The following AUH variants were observed in gnomAD, a reference collection of about 807,000 sequenced individuals.
AUH encodes methylglutaconyl-CoA hydratase, mitochondrial.
Under a neutral mutation model 42.3 loss-of-function variants are expected in AUH, and 29 were observed. That is an observed-to-expected ratio of 0.69 (90% CI 0.51 to 0.93). AUH has a LOEUF of 0.93. Ranked by LOEUF, AUH falls within the 40% of genes least tolerant of loss-of-function variation. The probability of loss-of-function intolerance (pLI) is 0.00; values close to 1 mark genes in which losing one functional copy is unlikely to be tolerated. For missense variants in AUH, 452 were observed against 438.1 expected (o/e 1.03, Z -0.28); for synonymous variants, 174 against 166.4 (o/e 1.05, Z -0.35).
At chr9:91,223,871 T>C (rs2131235659) in intron 6 of AUH, among the ~76,000 whole-genome samples, 1 of 152,294 alleles carries the variant, frequency 6.6e-6, no homozygotes. Context: ...TGCATCTGTT[T>C]TGAGTTTCTT....
At chr9:91,300,349 C>T (rs1827687347) in intron 4 of AUH, among the ~76,000 whole-genome samples, 1 of 152,160 alleles carries the variant, frequency 6.6e-6, no homozygotes, top group Non-Finnish European at 1.5e-5. Flanking sequence ...CTTCATGTGT[C>T]CAAACCATTT....
chr9:91,248,906 T>C (rs1353320603), intron 6 of AUH, among the ~76,000 whole-genome samples: 1 of 152,198 alleles, frequency 6.6e-6, no homozygotes, highest in Non-Finnish European at 1.5e-5. Flanking sequence ...AATGGCATTT[T>C]TGGCTCACGG....
At chr9:91,250,475 G>A (rs1199743138) in intron 6 of AUH, among the ~76,000 whole-genome samples, 1 of 152,174 alleles carries the variant, frequency 6.6e-6, no homozygotes, top group African/African-American at 2.4e-5. Context: ...CACACACGGA[G>A]ACAGGTGAGT....
At chr9:91,351,528 T>A (rs997791654) in intron 3 of AUH, among the ~76,000 whole-genome samples, 1 of 152,158 alleles carries the variant, frequency 6.6e-6, no homozygotes, top group Admixed American at 6.5e-5. Flanking sequence ...TGTATAAACA[T>A]CATTGAGTAT....
intron 6 of AUH, chr9:91,294,549 A>AAAAAC (rs982427072): frequency 1.6e-5 from 6 of 366,164 alleles, no homozygotes; most frequent in Non-Finnish European, 2.7e-5. Flanking sequence ...TCCGTCTCAA[A>AAAAAC]AAAACAAAAC....
At chr9:91,318,150 G>A (rs1307289754) in intron 4 of AUH, among the ~76,000 whole-genome samples, 1 of 152,128 alleles carries the variant, frequency 6.6e-6, no homozygotes, top group Non-Finnish European at 1.5e-5. Context: ...GTATAAGATT[G>A]TAAGAATCTG....
At chr9:91,278,581 A>G (rs2131550476) in intron 6 of AUH, among the ~76,000 whole-genome samples, 1 of 152,340 alleles carries the variant, frequency 6.6e-6, no homozygotes, top group Non-Finnish European at 1.5e-5. Context: ...GATTTCAACG[A>G]ATGGAAAAAT....
chr9:91,273,839 G>A (rs549705031), intron 6 of AUH, among the ~76,000 whole-genome samples: 6 of 152,242 alleles, frequency 3.9e-5, no homozygotes, highest in South Asian at 4.1e-4. Flanking sequence ...GCTCTTTGAC[G>A]AACAATTTTT....
At position 91,220,788 on chromosome 9, in the gene AUH, C is replaced by A. The variant is rs780463864; in HGVS notation, c.843+17G>T. The A allele has an allele frequency of 6.2e-7, 1 of 1,613,440 alleles. No individual in the cohort carries two copies. Among genetic ancestry groups the A allele is most frequent in the South Asian group, 1.1e-5 (1 of 91,056 alleles). ...TTCCTAAAATGAGAAAAAATAAACT[C>A]ATTTAATGAGAAATACCTGAGGTAA... On this transcript the variant is annotated intron_variant, in intron 7 of 9. Transcript: ENST00000375731.
At chr9:91,359,668 G>C (rs1003804215) in intron 1 of AUH, among the ~76,000 whole-genome samples, 3 of 152,100 alleles carry the variant, frequency 2.0e-5, no homozygotes, top group African/African-American at 7.2e-5. Flanking sequence ...ATGAGACCTG[G>C]TGTATTCTGC....
chr9:91,306,444 A>AT lies in AUH; in HGVS notation c.506-8369dup, dbSNP rs373899597. ...AGTCACTTCTATTTCTGATAAAAAGATAACATACCATAAGTAGTTTACTTT... is the reference window on the plus strand; with the variant it reads ...AGTCACTTCTATTTCTGATAAAAAGATTAACATACCATAAGTAGTTTACTTT... On this transcript the variant is annotated intron_variant, in intron 4 of 9. Transcript: ENST00000375731. 4 of 902,518 alleles carry AT rather than the reference A, an allele frequency of 4.4e-6. No individual in the cohort carries two copies. In the African/African-American group the frequency reaches 5.4e-5, roughly 12 times the overall value. 55.9% of individuals were successfully genotyped at this position (902,518 alleles called of 1,614,324 possible). A position where few individuals can be genotyped will look rare whatever the true frequency, so the allele number is the denominator to read the frequency against.
chr9:91,306,825 G>GT (rs1828260942), intron 4 of AUH, among the ~76,000 whole-genome samples: 1 of 152,268 alleles, frequency 6.6e-6, no homozygotes, highest in South Asian at 2.1e-4. Context: ...ATCCATAAAC[G>GT]TAAGGGTAGT....
At chr9:91,276,864 C>T (rs1470440754) in intron 6 of AUH, among the ~76,000 whole-genome samples, 2 of 152,066 alleles carry the variant, frequency 1.3e-5, no homozygotes, top group East Asian at 3.9e-4. Context: ...TTTTCTTCCC[C>T]AAGTAAAGAA....
chr9:91,278,207 C>T (rs2131548496), intron 6 of AUH, among the ~76,000 whole-genome samples: 1 of 152,232 alleles, frequency 6.6e-6, no homozygotes, highest in East Asian at 1.9e-4. Flanking sequence ...CAGGATCCAG[C>T]AATATAGTCA....
At chr9:91,323,501 T>C (rs994747195) in intron 4 of AUH, among the ~76,000 whole-genome samples, 1 of 151,992 alleles carries the variant, frequency 6.6e-6, no homozygotes, top group Non-Finnish European at 1.5e-5. Flanking sequence ...TACGTGCCTG[T>C]AGTCTCAGCT....
intron 4 of AUH, among the ~76,000 whole-genome samples, chr9:91,308,809 A>ATTTT (rs1828439315): frequency 7.2e-6 from 1 of 138,812 alleles, no homozygotes; most frequent in African/African-American, 2.8e-5. Context: ...TTTTTTTTTG[A>ATTTT]GACGCAGTTT....
intron 4 of AUH, chr9:91,306,287 T>A (rs1457819002): frequency 1.1e-6 from 1 of 875,678 alleles, no homozygotes; most frequent in Non-Finnish European, 1.4e-6. Context: ...GGCAGGGAAG[T>A]CCATGCCCAT....
At chr9:91,302,712 T>G (rs976300237) in intron 4 of AUH, among the ~76,000 whole-genome samples, 1 of 152,150 alleles carries the variant, frequency 6.6e-6, no homozygotes, top group African/African-American at 2.4e-5. Flanking sequence ...GAGGTTGCAG[T>G]GAGCTGAGAT....
intron 4 of AUH, among the ~76,000 whole-genome samples, chr9:91,310,545 C>A (rs1698117951): frequency 6.6e-6 from 1 of 152,174 alleles, no homozygotes; most frequent in South Asian, 2.1e-4. Flanking sequence ...TTTTCTGATT[C>A]CACATCAAGA....
Sources: gnomAD v4.1 joint callset for allele counts (sites outside exome capture counted in the v4.1 genomes callset) on GRCh38, gnomAD v4.1.1 for gene constraint, MANE v1.5 for transcripts, NCBI Gene and HGNC (gene_info 2026-07-23, HGNC 2026-07-21) for gene names.